The following TEAD1 variants were observed in gnomAD, a reference collection of about 807,000 sequenced individuals.
TEAD1 encodes TEA domain transcription factor 1.
A neutral mutation model predicts 54.9 loss-of-function variants in TEAD1; 9 were observed. That is an observed-to-expected ratio of 0.16 (90% CI 0.10 to 0.29). The LOEUF (loss-of-function observed/expected upper bound fraction) is 0.29. TEAD1 is among the 10% of genes least tolerant of loss of function. The pLI is 1.00. For missense variants in TEAD1, 387 were observed against 535.9 expected, an observed-to-expected ratio of 0.72 and a Z score of 2.74; for synonymous variants, 200 against 187.8, an observed-to-expected ratio of 1.07 and a Z score of -0.53.
intron 10 of TEAD1, among the ~76,000 whole-genome samples, chr11:12,902,322 T>G (rs1948439567): frequency 6.6e-6 from 1 of 152,248 alleles, no homozygotes; most frequent in East Asian, 1.9e-4. Flanking sequence ...GGTGACATTC[T>G]CTGTCCCTGC....
intron 3 of TEAD1, among the ~76,000 whole-genome samples, chr11:12,836,871 C>T (rs903733939): frequency 3.9e-5 from 6 of 152,074 alleles, no homozygotes; most frequent in African/African-American, 7.2e-5. Flanking sequence ...CAAGAAAAAG[C>T]GGATCTATTT....
chr11:12,736,886 C>CT (rs1480199860), intron 2 of TEAD1, among the ~76,000 whole-genome samples: 1 of 152,104 alleles, frequency 6.6e-6, no homozygotes. Context: ...GTAATACCAT[C>CT]TTTTTTTATT....
intron 3 of TEAD1, among the ~76,000 whole-genome samples, chr11:12,771,929 C>G (rs111810502): frequency 1.7e-4 from 26 of 152,260 alleles, no homozygotes; most frequent in African/African-American, 6.3e-4. Flanking sequence ...GCTTAAAAGA[C>G]AAAACAACTA....
chr11:12,779,111 T>G (rs1213825410), intron 3 of TEAD1, among the ~76,000 whole-genome samples: 2 of 151,850 alleles, frequency 1.3e-5, no homozygotes, highest in African/African-American at 2.4e-5. Flanking sequence ...GTGGTAGGGG[T>G]GTGTGTGTGT....
intron 5 of TEAD1, among the ~76,000 whole-genome samples, chr11:12,866,461 C>T (rs1447090656): frequency 6.6e-6 from 1 of 152,178 alleles, no homozygotes; most frequent in Non-Finnish European, 1.5e-5. Context: ...AGGAAGCACT[C>T]TTTTTCTCAC....
chr11:12,914,690 T>A (rs1000625648), intron 10 of TEAD1, among the ~76,000 whole-genome samples: 6 of 146,836 alleles, frequency 4.1e-5, no homozygotes, highest in Non-Finnish European at 7.7e-5. Context: ...TCTCCAGACC[T>A]CCCCCTTCTC....
chr11:12,905,442 C>T (rs939657667), intron 10 of TEAD1, among the ~76,000 whole-genome samples: 1 of 152,112 alleles, frequency 6.6e-6, no homozygotes, highest in Admixed American at 6.5e-5. Context: ...AACATCACTC[C>T]TTCAGTAGAG....
At chr11:12,820,313 C>A (rs980318421) in intron 3 of TEAD1, among the ~76,000 whole-genome samples, 7 of 152,118 alleles carry the variant, frequency 4.6e-5, no homozygotes, top group African/African-American at 1.7e-4. Flanking sequence ...GGCTGTGTAG[C>A]CCTAAAGCCA....
chr11:12,675,365 C>T (rs901417793), intron 1 of TEAD1, 44 bp from the exon 2 acceptor site: 4 of 152,334 alleles, frequency 2.6e-5, no homozygotes, highest in Non-Finnish European at 4.4e-5. Flanking sequence ...GCTCCTTCTT[C>T]TCAAAGATGA....
At chr11:12,803,466 G>C (rs1399359887) in intron 3 of TEAD1, among the ~76,000 whole-genome samples, 1 of 152,202 alleles carries the variant, frequency 6.6e-6, no homozygotes, top group Non-Finnish European at 1.5e-5. Context: ...TGGTAAAATA[G>C]GAAAGGAAAC....
intron 2 of TEAD1, among the ~76,000 whole-genome samples, chr11:12,682,927 A>G (rs1411397212): frequency 6.6e-6 from 1 of 152,172 alleles, no homozygotes; most frequent in African/African-American, 2.4e-5. Context: ...GTGTTTGACA[A>G]TCATGGCTGG....
At chr11:12,764,723 G>T (rs1411329618) in intron 3 of TEAD1, among the ~76,000 whole-genome samples, 1 of 151,750 alleles carries the variant, frequency 6.6e-6, no homozygotes, top group African/African-American at 2.4e-5. Context: ...GCAGTGGCAT[G>T]TACAGACACC....
At position 12,883,361 on chromosome 11, in the gene TEAD1, G is replaced by C. The variant is rs921122693; in HGVS notation, c.699+236G>C. Among the ~76,000 whole-genome samples the C allele has an allele frequency of 1.4e-4, 21 of 152,336 alleles. No individual in the cohort carries two copies. In the East Asian group the frequency reaches 3.9e-3, roughly 28 times the overall value. On this transcript the variant is annotated intron_variant, in intron 9 of 12. Coordinates refer to ENST00000527636, the MANE Select transcript of TEAD1 (RefSeq NM_021961.6). ...TTACTGTCCTGGACCCCAAGGTGCT[G>C]TGGGGAATACTTGAGTCAGAGAGAG...
chr11:12,687,665 A>G (rs1006867866), intron 2 of TEAD1, among the ~76,000 whole-genome samples: 1 of 152,118 alleles, frequency 6.6e-6, no homozygotes, highest in African/African-American at 2.4e-5. Flanking sequence ...ATGAGGACAC[A>G]ATACTTGTGT....
At chr11:12,851,202 T>A (rs1947267239) in intron 3 of TEAD1, 2 of 602,610 alleles carry the variant, frequency 3.3e-6, no homozygotes, top group Non-Finnish European at 4.2e-6. Context: ...ATATACAGAG[T>A]AGAGAAAAAA....
chr11:12,795,964 A>G (rs1319401542), intron 3 of TEAD1, among the ~76,000 whole-genome samples: 1 of 152,232 alleles, frequency 6.6e-6, no homozygotes, highest in Non-Finnish European at 1.5e-5. Context: ...GATTCACAGT[A>G]TAAGTTGAGG....
rs186015915 is a variant in TEAD1, at chr11:12,810,813, T to C, written c.202+46379T>C. Among the ~76,000 whole-genome samples the C allele has an allele frequency of 7.2e-5, 11 of 152,278 alleles. No individual in the cohort carries two copies. In the East Asian group the frequency reaches 1.2e-3, roughly 16 times the overall value. The stretch of plus-strand genomic sequence containing the variant: ...CTCCCTGGCCCTGAAATAAATTCCT[T>C]TGGGCTGCTAACTCTCCTTCCTTTA... On this transcript the variant is annotated intron_variant, in intron 3 of 12. Coordinates refer to ENST00000527636, the MANE Select transcript of TEAD1 (RefSeq NM_021961.6).
intron 2 of TEAD1, among the ~76,000 whole-genome samples, chr11:12,734,110 C>A (rs2133883315): frequency 6.6e-6 from 1 of 152,238 alleles, no homozygotes; most frequent in Admixed American, 6.5e-5. Flanking sequence ...GAGGTAGGAT[C>A]TTGCCATGTT....
intron 3 of TEAD1, among the ~76,000 whole-genome samples, chr11:12,789,774 G>A (rs1257388702): frequency 6.6e-6 from 1 of 152,228 alleles, no homozygotes; most frequent in African/African-American, 2.4e-5. Context: ...GTACGGCTGG[G>A]CTCGGCTGGG....
Sources: allele counts gnomAD v4.1 joint callset (sites outside exome capture counted in the v4.1 genomes callset), GRCh38; gene constraint gnomAD v4.1.1; transcripts MANE v1.5; gene names NCBI Gene and HGNC (gene_info 2026-07-23, HGNC 2026-07-21).